NUP107: variants seen among roughly 807,000 people sequenced by gnomAD.
NUP107 encodes nuclear pore complex protein Nup107.
NUP107 carries 101 observed loss-of-function variants against 141.0 expected under a neutral mutation model. The ratio of observed to expected loss-of-function variants is 0.72; its 90% CI spans 0.61 to 0.84. The LOEUF (loss-of-function observed/expected upper bound fraction) is 0.84, where lower values mean the gene tolerates loss of function less well. NUP107 is among the 40% of genes least tolerant of loss of function. The pLI, the probability that NUP107 is intolerant of heterozygous loss-of-function variation, is 0.00. For synonymous variants in NUP107, 319 were observed against 363.9 expected, an observed-to-expected ratio of 0.88 and a Z score of 1.41; for missense variants, 941 against 1,102.7, an observed-to-expected ratio of 0.85 and a Z score of 2.08.
intron 6 of NUP107, among the ~76,000 whole-genome samples, chr12:68,698,856 A>G (rs910475234): frequency 2.6e-5 from 4 of 152,182 alleles, no homozygotes; most frequent in African/African-American, 9.6e-5. Flanking sequence ...ATAATGGGGG[A>G]CACATGTCAG....
At chr12:68,689,480 C>A in intron 2 of NUP107, 53 bp from the exon 3 acceptor site, 2 of 1,024,654 alleles carry the variant, frequency 2.0e-6, no homozygotes, top group South Asian at 2.9e-5. Context: ...GGTTAATTCT[C>A]ATTTTAGTGA....
chr12:68,712,511 T>G (rs1876907713), intron 10 of NUP107, among the ~76,000 whole-genome samples: 1 of 151,958 alleles, frequency 6.6e-6, no homozygotes, highest in Non-Finnish European at 1.5e-5. Context: ...ATTATATATT[T>G]TCTCTGCTTA....
At chr12:68,715,945 A>G (rs1357314344) in intron 12 of NUP107, among the ~76,000 whole-genome samples, 2 of 152,208 alleles carry the variant, frequency 1.3e-5, no homozygotes, top group Non-Finnish European at 2.9e-5. Context: ...GTACAACTCT[A>G]ATTAATAGAA....
chr12:68,722,234 G>T, intron 17 of NUP107, 82 bp downstream of exon 17: 2 of 1,145,796 alleles, frequency 1.7e-6, no homozygotes, highest in South Asian at 1.7e-5. Flanking sequence ...AAAGGAAAAA[G>T]GTGGAACTTT....
chr12:68,687,040 G>T lies in NUP107; in HGVS notation c.-26G>T. 6.2e-7 allele frequency: 1 copy of T among 1,614,146 alleles called. No homozygotes were observed. The highest frequency in any genetic ancestry group is 1.1e-5 in the South Asian group (1 of 91,074). ...CGGTAGCTAAACTGCAGCCAACTTT[G>T]GTTGTGTGTGGAAAAGGCTTTAGCC... On this transcript the variant is annotated 5_prime_UTR_variant, in exon 1 of 28. Coordinates refer to ENST00000229179, the MANE Select transcript of NUP107 (RefSeq NM_020401.4).
intron 23 of NUP107, 68 bp from the exon 24 acceptor site, chr12:68,733,383 AT>A (rs1331617100): frequency 5.5e-6 from 8 of 1,452,568 alleles, no homozygotes; most frequent in Non-Finnish European, 6.5e-6. Flanking sequence ...TAAACCAGTG[AT>A]TTGACTCCTT....
chr12:68,705,070 G>A (rs1329358717), intron 8 of NUP107, among the ~76,000 whole-genome samples: 3 of 151,386 alleles, frequency 2.0e-5, no homozygotes, highest in East Asian at 2.0e-4. Flanking sequence ...ATATTTTATA[G>A]AGATGGGGTG....
intron 8 of NUP107, chr12:68,705,864 C>T: frequency 1.3e-6 from 1 of 796,184 alleles, no homozygotes; most frequent in African/African-American, 1.7e-5. Context: ...GCCCCCTTAA[C>T]CTGGAGGTGG....
chr12:68,733,298 C>CA (rs1268418591), intron 23 of NUP107, among the ~76,000 whole-genome samples, 154 bp from the exon 24 acceptor site: 3 of 152,194 alleles, frequency 2.0e-5, no homozygotes, highest in Non-Finnish European at 4.4e-5. Context: ...GCCAGTCTAT[C>CA]AGGTAGAAAG....
intron 10 of NUP107, among the ~76,000 whole-genome samples, chr12:68,713,002 G>A (rs762642036): frequency 2.0e-5 from 3 of 151,928 alleles, no homozygotes; most frequent in Non-Finnish European, 4.4e-5. Flanking sequence ...ATAGATAGAT[G>A]TATCTTAGCT....
At chr12:68,716,958 C>T (rs1877141438) in intron 12 of NUP107, among the ~76,000 whole-genome samples, 2 of 151,688 alleles carry the variant, frequency 1.3e-5, no homozygotes, top group South Asian at 4.2e-4. Context: ...AGTGCAGTGG[C>T]GCGATCTCGG....
Position 68,731,057 on chromosome 12 carries a change from A to G in NUP107, c.1735-53A>G. On this transcript the variant is annotated intron_variant, in intron 20 of 27. Transcript: ENST00000229179. ...CTCCTGAATACATTTGAAATTTTGA[A>G]GTATACTTTTAATTTTATTATTGAC... 1.1e-5 allele frequency: 14 copies of G among 1,241,346 alleles called. 1 individual carries two copies. Among genetic ancestry groups the G allele is most frequent in the Non-Finnish European group, 1.6e-5 (14 of 892,440 alleles). The allele number at this position is 1,241,346 out of a possible 1,614,324, so 76.9% of individuals were successfully genotyped here.
Position 68,725,793 on chromosome 12 carries a change from G to A in NUP107, c.1573G>A (p.Asp525Asn). ...VQKFLILGDI[D>N]GLMDEFSKWL... ...AAAGTTTCTTATCCTGGGAGACATT[G>A]ATGGTAAGATATGGTTTTATTTTAC... The change falls in exon 18 of 28, where the codon GAT (aspartate) becomes AAT (asparagine). Residue 525 changes from aspartate to asparagine, a missense_variant. Asp to Asn is a conservative substitution (Grantham distance 23). Transcript: ENST00000229179. 1 of 1,367,214 alleles carries A rather than the reference G, an allele frequency of 7.3e-7. No homozygotes were observed. Among genetic ancestry groups the A allele is most frequent in the Non-Finnish European group, 1.0e-6 (1 of 978,894 alleles). The allele number at this position is 1,367,214 out of a possible 1,614,324, so 84.7% of individuals were successfully genotyped here.
chr12:68,695,469 C>T (rs1876006667), intron 5 of NUP107, among the ~76,000 whole-genome samples: 1 of 152,140 alleles, frequency 6.6e-6, no homozygotes, highest in Admixed American at 6.5e-5. Flanking sequence ...CATGCTACAA[C>T]ATGGATGAAC....
Position 68,738,192 on chromosome 12 carries a change from C to T in NUP107, c.2502+2848C>T, listed in dbSNP as rs182558710. ...TTGGGAGGCTGAGGCAGAAGAATCACTTGAACCTGGGAGGCGGAGGTTGCA... is the reference window on the plus strand; with the variant it reads ...TTGGGAGGCTGAGGCAGAAGAATCATTTGAACCTGGGAGGCGGAGGTTGCA... On this transcript the variant is annotated intron_variant, in intron 26 of 27. Transcript: ENST00000229179. Among the ~76,000 whole-genome samples the T allele has an allele frequency of 1.1e-4, 16 of 152,254 alleles. No homozygotes were observed. In the East Asian group the frequency reaches 2.9e-3, roughly 28 times the overall value.
At chr12:68,716,256 T>TTTTA (rs1877108454) in intron 12 of NUP107, among the ~76,000 whole-genome samples, 1 of 149,072 alleles carries the variant, frequency 6.7e-6, no homozygotes, top group Non-Finnish European at 1.5e-5. Flanking sequence ...TTTTTTTTTT[T>TTTTA]GAGATGGGAT....
chr12:68,713,655 A>C (rs1322045372), intron 10 of NUP107, 75 bp from the exon 11 acceptor site: 1 of 1,012,390 alleles, frequency 9.9e-7, no homozygotes, highest in Non-Finnish European at 1.5e-6. Flanking sequence ...TCTTCCTTTG[A>C]CTTGATTTGA....
Position 68,731,636 on chromosome 12 carries a change from G to A in NUP107, c.1915G>A (p.Val639Ile), listed in dbSNP as rs1387641358. 5 of 1,577,488 alleles carry A rather than the reference G, an allele frequency of 3.2e-6. No individual in the cohort carries two copies. The highest frequency in any genetic ancestry group is 4.3e-6 in the Non-Finnish European group (5 of 1,169,950). Residue 639 changes from valine (V) to isoleucine (I), a missense_variant, in exon 22 of 28, where the codon GTA becomes ATA. Physicochemically the swap from Val to Ile is conservative, Grantham distance 29. Coordinates refer to ENST00000229179, the MANE Select transcript of NUP107 (RefSeq NM_020401.4). ...GGATGTTGCAACAATAACAAAAACT[G>A]TAGTTGAGAATATTCGAAAGAAAGA... The part of the protein sequence containing the change: ...DLDVATITKT[V>I]VENIRKKDNG...
chr12:68,699,015 G>C (rs1471204124), intron 6 of NUP107, among the ~76,000 whole-genome samples: 1 of 152,118 alleles, frequency 6.6e-6, no homozygotes, highest in East Asian at 1.9e-4. Context: ...TGGTGAGGGA[G>C]GCTGGGATTG....
Sources: gnomAD v4.1 joint callset for allele counts (sites outside exome capture counted in the v4.1 genomes callset) on GRCh38, gnomAD v4.1.1 for gene constraint, MANE v1.5 for transcripts, NCBI Gene and HGNC (gene_info 2026-07-23, HGNC 2026-07-21) for gene names.